Variants in RAB6B observed in about 807,000 individuals in gnomAD.
The protein encoded by RAB6B is RAB6B, member RAS oncogene family, also known as ras-related protein Rab-6B.
RAB6B carries 7 observed loss-of-function variants against 31.2 expected under a neutral mutation model. The ratio of observed to expected loss-of-function variants is 0.22; its 90% CI spans 0.13 to 0.42. The LOEUF (loss-of-function observed/expected upper bound fraction) is 0.42, where lower values mean the gene tolerates loss of function less well. Ranked by LOEUF, RAB6B falls within the 10% of genes least tolerant of loss-of-function variation. The pLI, the probability that RAB6B is intolerant of heterozygous loss-of-function variation, is 1.00. For synonymous variants in RAB6B, 105 were observed against 104.9 expected (o/e 1.00, Z -0.01); for missense variants, 149 against 280.6 (o/e 0.53, Z 3.35).
intron 2 of RAB6B, among the ~76,000 whole-genome samples, chr3:133,848,732 A>C (rs1184720405): frequency 1.3e-5 from 2 of 151,536 alleles, no homozygotes; most frequent in African/African-American, 4.9e-5. Flanking sequence ...CTCATTACCT[A>C]ATCACCTCTT....
intron 7 of RAB6B, among the ~76,000 whole-genome samples, chr3:133,829,697 T>C (rs1416888404): frequency 6.6e-6 from 1 of 152,176 alleles, no homozygotes; most frequent in African/African-American, 2.4e-5. Flanking sequence ...AAGGATGCTT[T>C]TGTGGCTCCT....
chr3:133,831,891 C>T lies in RAB6B; in HGVS notation c.562+2684G>A, dbSNP rs1342778085. Among the ~76,000 whole-genome samples the T allele has an allele frequency of 5.9e-5, 9 of 152,310 alleles. No homozygotes were observed. In the East Asian group the frequency reaches 1.2e-3, roughly 20 times the overall value. The stretch of plus-strand genomic sequence containing the variant: ...TTACCCCCTACTGCTGGATATGCTT[C>T]CCCAATCCCAGTGCCTCTGACTCTA... On this transcript the variant is annotated intron_variant, in intron 7 of 7. Coordinates refer to ENST00000285208, the MANE Select transcript of RAB6B (RefSeq NM_016577.4).
chr3:133,862,430 C>T (rs1312345197), intron 2 of RAB6B, among the ~76,000 whole-genome samples: 1 of 152,210 alleles, frequency 6.6e-6, no homozygotes, highest in Admixed American at 6.5e-5. Flanking sequence ...AGTTGAGAGG[C>T]TAAACCAGCC....
rs923532179 is a variant in RAB6B at position 133,828,176 on chromosome 3, G to A, written c.*612C>T. ...GGTCTCAGCTCCACACGAGGTTGAC[G>A]ACCCACTCTGGCCATGGAAAGACAA... On this transcript the variant is annotated 3_prime_UTR_variant, in exon 8 of 8. Coordinates refer to ENST00000285208, the MANE Select transcript of RAB6B (RefSeq NM_016577.4). The A allele has an allele frequency of 4.7e-5, 28 of 589,742 alleles. No individual in the cohort carries two copies. Among genetic ancestry groups the A allele is most frequent in the Middle Eastern group, 8.8e-4 (2 of 2,262 alleles). The allele number at this position is 589,742 out of a possible 1,614,324, so 36.5% of individuals were successfully genotyped here.
Position 133,828,868 on chromosome 3 carries a change from C to G in RAB6B, c.563-16G>C. 6.2e-7 allele frequency: 1 copy of G among 1,601,194 alleles called. No homozygotes were observed. The highest frequency in any genetic ancestry group is 8.5e-7 in the Non-Finnish European group (1 of 1,171,852). On this transcript the variant is annotated splice_polypyrimidine_tract_variant and intron_variant, in intron 7 of 7. Transcript: ENST00000285208. ...ATGTCGATCACTGCAGGGGGACGGG[C>G]TAAGGAAGATGACTCTCCTGGACAA...
At chr3:133,874,277 C>T (rs1357280689) in intron 1 of RAB6B, among the ~76,000 whole-genome samples, 2 of 152,174 alleles carry the variant, frequency 1.3e-5, no homozygotes, top group Non-Finnish European at 2.9e-5. Flanking sequence ...GTGACTCTGT[C>T]GTAGTGCAAA....
intron 2 of RAB6B, among the ~76,000 whole-genome samples, chr3:133,845,416 T>A (rs992433955): frequency 6.6e-6 from 1 of 152,200 alleles, no homozygotes; most frequent in Non-Finnish European, 1.5e-5. Context: ...GGACACAGCA[T>A]AAAGGTGACA....
chr3:133,895,234 C>T (rs2108020051), intron 1 of RAB6B, among the ~76,000 whole-genome samples, 163 bp downstream of exon 1: 1 of 152,258 alleles, frequency 6.6e-6, no homozygotes, highest in African/African-American at 2.4e-5. Flanking sequence ...CCCTTGGCCC[C>T]TCCCCAGCCC....
At chr3:133,841,898 A>AG (rs757145021) in intron 2 of RAB6B, among the ~76,000 whole-genome samples, 107 of 152,176 alleles carry the variant, frequency 7.0e-4, no homozygotes, top group Non-Finnish European at 1.3e-3. Context: ...TTCTCTGGAG[A>AG]GGGCAAGTGC....
rs1559897364 is a variant in RAB6B at position 133,828,608 on chromosome 3, G to A, written c.*180C>T. ...TAGTTGTTTAAGTAACAGCCGTTAA[G>A]AGTGATGTGATCCCTGATGCCCAGC... On this transcript the variant is annotated 3_prime_UTR_variant, in exon 8 of 8. Transcript: ENST00000285208. The A allele has an allele frequency of 5.7e-6, 4 of 704,786 alleles. No individual in the cohort carries two copies. The highest frequency in any genetic ancestry group is 1.0e-5 in the Non-Finnish European group (4 of 398,328). The allele number at this position is 704,786 out of a possible 1,614,324, so 43.7% of individuals were successfully genotyped here.
At chr3:133,833,219 C>G (rs1375984937) in intron 7 of RAB6B, among the ~76,000 whole-genome samples, 9 of 152,176 alleles carry the variant, frequency 5.9e-5, no homozygotes, top group Non-Finnish European at 1.5e-5. Context: ...GGGCTCTCTC[C>G]TGAGCTCTGG....
At position 133,851,151 on chromosome 3, in the gene RAB6B, A is replaced by G. The variant is rs571301166; in HGVS notation, c.130-9488T>C. Among the ~76,000 whole-genome samples the G allele has an allele frequency of 2.0e-5, 3 of 152,354 alleles. No individual in the cohort carries two copies. In the East Asian group the frequency reaches 5.8e-4, roughly 29 times the overall value. On this transcript the variant is annotated intron_variant, in intron 2 of 7. Coordinates refer to ENST00000285208, the MANE Select transcript of RAB6B (RefSeq NM_016577.4). The stretch of plus-strand genomic sequence containing the variant: ...GTGGCAAGCAGAACTTCACTACAAG[A>G]AATGTTAAAGGAAGCTGTTCAGGCT...
chr3:133,841,436 A>C lies in RAB6B; in HGVS notation c.184-46T>G, dbSNP rs774976093. On this transcript the variant is annotated intron_variant, in intron 3 of 7. Coordinates refer to ENST00000285208, the MANE Select transcript of RAB6B (RefSeq NM_016577.4). ...CCATGGGCAGAGGGGTCAGTGGGGC[A>C]GTGAGGTCCTCCTGGTCCGGGGGAC... 4 of 1,594,908 alleles carry C rather than the reference A, an allele frequency of 2.5e-6. No homozygotes were observed. The East Asian group carries it at 9.0e-5, about 36-fold the overall frequency.
At chr3:133,882,254 A>G (rs181801019) in intron 1 of RAB6B, among the ~76,000 whole-genome samples, 2 of 152,230 alleles carry the variant, frequency 1.3e-5, no homozygotes, top group Non-Finnish European at 2.9e-5. Context: ...ATAAAGAAAC[A>G]TAATCATGGG....
chr3:133,840,714 C>T (rs1204138107), intron 4 of RAB6B, among the ~76,000 whole-genome samples: 3 of 152,126 alleles, frequency 2.0e-5, no homozygotes, highest in Non-Finnish European at 4.4e-5. Flanking sequence ...CCCCCCACCC[C>T]CACCTCTGGC....
intron 1 of RAB6B, among the ~76,000 whole-genome samples, chr3:133,891,095 G>A (rs1239414447): frequency 2.6e-5 from 4 of 152,200 alleles, no homozygotes; most frequent in Non-Finnish European, 5.9e-5. Flanking sequence ...GCTCCCTGCA[G>A]GAGGGCAGGT....
intron 1 of RAB6B, chr3:133,885,704 A>T (rs1936536025): frequency 8.7e-6 from 6 of 688,176 alleles, no homozygotes; most frequent in Non-Finnish European, 1.1e-5. Context: ...TAAAGGGGCT[A>T]GCTTTGGTCC....
chr3:133,864,435 TG>T, intron 2 of RAB6B, 148 bp downstream of exon 2: 1 of 741,192 alleles, frequency 1.3e-6, no homozygotes, highest in Non-Finnish European at 2.4e-6. Flanking sequence ...TTTACAGGGA[TG>T]GGGCCAGTAT....
intron 3 of RAB6B, 64 bp from the exon 4 acceptor site, chr3:133,841,454 C>CCCCGGACCA: frequency 6.3e-7 from 1 of 1,576,390 alleles, no homozygotes; most frequent in Non-Finnish European, 8.7e-7. Flanking sequence ...CCTCCTGGTC[C>CCCCGGACCA]GGGGGACTGG....
Sources: gnomAD v4.1 joint callset for allele counts (sites outside exome capture counted in the v4.1 genomes callset) on GRCh38, gnomAD v4.1.1 for gene constraint, MANE v1.5 for transcripts, NCBI Gene and HGNC (gene_info 2026-07-23, HGNC 2026-07-21) for gene names.